Variants in GLB1 observed in about 807,000 individuals in gnomAD.
The protein encoded by GLB1 is galactosidase beta 1, also known as beta-galactosidase.
GLB1 carries 56 observed loss-of-function variants against 74.0 expected under a neutral mutation model. The observed-to-expected ratio is 0.76, with a 90% CI of 0.61 to 0.94. GLB1 has a LOEUF of 0.94. GLB1 is among the 40% of genes least tolerant of loss of function. The pLI is 0.00. For synonymous variants in GLB1, 323 were observed against 323.6 expected (o/e 1.00, Z 0.02); for missense variants, 787 against 845.5 (o/e 0.93, Z 0.86).
At chr3:33,016,987 C>A in intron 13 of GLB1, 147 bp from the exon 14 acceptor site, 2 of 1,355,600 alleles carry the variant, frequency 1.5e-6, no homozygotes, top group Non-Finnish European at 2.0e-6. Flanking sequence ...CATCTTAGCC[C>A]AAGTTACCGG....
the GLB1 span, among the ~76,000 whole-genome samples, chr3:32,989,689 C>T: frequency 6.6e-6 from 1 of 152,172 alleles, no homozygotes; most frequent in African/African-American, 2.4e-5. Flanking sequence ...TGAGTTTTCT[C>T]AAATACAATA....
At chr3:33,064,162 G>T (rs1699565749) in intron 5 of GLB1, among the ~76,000 whole-genome samples, 1 of 152,204 alleles carries the variant, frequency 6.6e-6, no homozygotes, top group African/African-American at 2.4e-5. Context: ...GTCATAGCTG[G>T]GCACGGTGGC....
chr3:33,068,734 G>A, intron 3 of GLB1, 86 bp downstream of exon 3: 2 of 1,608,482 alleles, frequency 1.2e-6, no homozygotes, highest in Non-Finnish European at 1.7e-6. Context: ...TCTCTGGAAT[G>A]CAGGTCTGCT....
At chr3:33,057,765 C>T (rs1318558215) in intron 6 of GLB1, among the ~76,000 whole-genome samples, 1 of 152,160 alleles carries the variant, frequency 6.6e-6, no homozygotes, top group Non-Finnish European at 1.5e-5. Context: ...AAGGTGACTG[C>T]CTCAAGGTAG....
At chr3:33,059,011 G>A (rs974609042) in intron 5 of GLB1, among the ~76,000 whole-genome samples, 4 of 152,256 alleles carry the variant, frequency 2.6e-5, no homozygotes, top group East Asian at 1.9e-4. Flanking sequence ...GTCATACCTC[G>A]GCAGACATGC....
intron 1 of GLB1, chr3:33,096,485 G>C (rs977750166): frequency 2.0e-6 from 2 of 985,062 alleles, no homozygotes; most frequent in African/African-American, 3.5e-5. Context: ...CAGGCGACGG[G>C]GAGTGGTGAG....
At position 33,063,416 on chromosome 3, in the gene GLB1, G is replaced by C. The variant is rs187043897; in HGVS notation, c.552+2047C>G. 4.4e-4 allele frequency among the ~76,000 whole-genome samples: 66 copies of C among 151,256 alleles called. No homozygotes were observed. The Middle Eastern group carries it at 0.01, about 23-fold the overall frequency. On this transcript the variant is annotated intron_variant, in intron 5 of 15. Coordinates refer to ENST00000307363, the MANE Select transcript of GLB1 (RefSeq NM_000404.4). ...ATGATTAGTGGGATTCAAGCATGTGGAGATGGGAAGGGGAGAGGAGGAGGA... is the reference window on the plus strand; with the variant it reads ...ATGATTAGTGGGATTCAAGCATGTGCAGATGGGAAGGGGAGAGGAGGAGGA...
chr3:32,992,391 C>T (rs949820808), downstream of GLB1, among the ~76,000 whole-genome samples: 1 of 152,184 alleles, frequency 6.6e-6, no homozygotes, highest in Non-Finnish European at 1.5e-5. Flanking sequence ...GTCATTTCTT[C>T]CCTCTTGTCC....
intron 1 of GLB1, among the ~76,000 whole-genome samples, chr3:33,084,651 C>T (rs934836739): frequency 6.6e-6 from 1 of 152,122 alleles, no homozygotes; most frequent in Non-Finnish European, 1.5e-5. Flanking sequence ...CTCACGGACT[C>T]TGGACATACA....
intron 5 of GLB1, among the ~76,000 whole-genome samples, chr3:33,060,793 T>A (rs1038005312): frequency 6.6e-6 from 1 of 152,182 alleles, no homozygotes; most frequent in African/African-American, 2.4e-5. Context: ...ACTGTCTACA[T>A]GTAAATCTGA....
chr3:33,016,197 G>A (rs1697229647), intron 14 of GLB1, among the ~76,000 whole-genome samples: 1 of 152,160 alleles, frequency 6.6e-6, no homozygotes, highest in South Asian at 2.1e-4. Flanking sequence ...CCTTCAGTGA[G>A]CTTGGTGGTC....
At chr3:32,970,953 G>A in the GLB1 span, among the ~76,000 whole-genome samples, 1 of 152,158 alleles carries the variant, frequency 6.6e-6, no homozygotes, top group African/African-American at 2.4e-5. Context: ...CTATTTCCTT[G>A]TACTTTGATG....
the GLB1 span, among the ~76,000 whole-genome samples, chr3:32,967,229 C>T: frequency 6.6e-6 from 1 of 152,136 alleles, no homozygotes; most frequent in African/African-American, 2.4e-5. Context: ...GCAGAAAATT[C>T]TAAGAAATCC....
chr3:33,057,079 C>CAA (rs1271806591), intron 6 of GLB1, among the ~76,000 whole-genome samples: 1 of 152,194 alleles, frequency 6.6e-6, no homozygotes, highest in East Asian at 1.9e-4. Context: ...ATCGTGGGGG[C>CAA]AAAGTGCTTG....
At chr3:32,981,912 T>C in the GLB1 span, among the ~76,000 whole-genome samples, 1 of 152,256 alleles carries the variant, frequency 6.6e-6, no homozygotes, top group Admixed American at 6.5e-5. Flanking sequence ...CAACTTGATT[T>C]CTAGTAGACA....
At chr3:32,976,933 C>T in the GLB1 span, among the ~76,000 whole-genome samples, 65 of 152,232 alleles carry the variant, frequency 4.3e-4, no homozygotes, top group East Asian at 4.8e-3. Context: ...CACTGTAGAC[C>T]GCACCTCCTC....
At position 33,097,019 on chromosome 3, in the gene GLB1, C is replaced by T. The variant is rs1240673584; in HGVS notation, c.67G>A (p.Gly23Ser). ...GGGTCCCGCAGACTTACGCGCAAGC[C>T]GCGCGTAGGGCCCAGAAGCAGCAGA... ...LVLLLLGPTR[G>S]LRNATQRMFE... Residue 23 changes from glycine to serine, a missense_variant, in exon 1 of 16, where the codon GGC becomes AGC. Transcript: ENST00000307363. 1.2e-6 allele frequency: 2 copies of T among 1,612,124 alleles called. No individual in the cohort carries two copies. Among genetic ancestry groups the T allele is most frequent in the Non-Finnish European group, 1.7e-6 (2 of 1,178,972 alleles).
chr3:33,051,314 G>C (rs1698971650), intron 9 of GLB1, among the ~76,000 whole-genome samples: 1 of 148,280 alleles, frequency 6.7e-6, no homozygotes, highest in Admixed American at 6.7e-5. Context: ...AGAAAATTTA[G>C]GGCCAGGCAT....
intron 13 of GLB1, among the ~76,000 whole-genome samples, chr3:33,018,084 G>A (rs568178112): frequency 2.0e-5 from 3 of 152,088 alleles, no homozygotes; most frequent in Non-Finnish European, 4.4e-5. Flanking sequence ...CGGAGTTCAA[G>A]ACCAGCCTGG....
Sources: allele counts gnomAD v4.1 joint callset (sites outside exome capture counted in the v4.1 genomes callset), GRCh38; gene constraint gnomAD v4.1.1; transcripts MANE v1.5; gene names NCBI Gene and HGNC (gene_info 2026-07-23, HGNC 2026-07-21).